The following TRMT9B variants were observed in gnomAD, a reference collection of about 807,000 sequenced individuals.
The protein encoded by TRMT9B is probable tRNA methyltransferase 9B.
In TRMT9B, 16 loss-of-function variants were observed where a neutral mutation model predicts 11.5. The ratio of observed to expected loss-of-function variants is 1.39; its 90% confidence interval spans 0.94 to 2.11. The LOEUF (loss-of-function observed/expected upper bound fraction) is 2.11, where lower values mean the gene tolerates loss of function less well. TRMT9B is among the 30% of genes most tolerant of loss of function. TRMT9B has a pLI of 0.00. For synonymous variants in TRMT9B, 274 were observed against 192.4 expected (o/e 1.42, Z -3.51); for missense variants, 941 against 553.8 (o/e 1.70, Z -7.02).
chr8:12,979,674 C>T (rs908846551), intron 1 of TRMT9B, among the ~76,000 whole-genome samples: 3 of 152,072 alleles, frequency 2.0e-5, no homozygotes, highest in Admixed American at 6.6e-5. Flanking sequence ...TTTCTGCTAC[C>T]GTACACCATT....
At chr8:12,963,202 G>C (rs1802368186) in intron 1 of TRMT9B, among the ~76,000 whole-genome samples, 1 of 152,178 alleles carries the variant, frequency 6.6e-6, no homozygotes, top group Admixed American at 6.5e-5. Context: ...GGGAGGCCAA[G>C]GTGGGCGATT....
At chr8:13,012,579 T>C (rs1811838070) in intron 3 of TRMT9B, 105 bp from the exon 4 acceptor site, 1 of 1,256,816 alleles carries the variant, frequency 8.0e-7, no homozygotes, top group Non-Finnish European at 1.1e-6. Flanking sequence ...TGTCTCAAAA[T>C]AAATAAATAA....
intron 1 of TRMT9B, among the ~76,000 whole-genome samples, chr8:12,966,708 G>A (rs1585120984): frequency 6.6e-6 from 1 of 152,300 alleles, no homozygotes; most frequent in East Asian, 1.9e-4. Context: ...TCCAATGTAT[G>A]AGAGTAAGAA....
chr8:13,001,518 G>A (rs945315523), intron 2 of TRMT9B, among the ~76,000 whole-genome samples: 3 of 152,172 alleles, frequency 2.0e-5, no homozygotes, highest in Admixed American at 6.5e-5. Context: ...CTACATGAAT[G>A]AAAAAGGATG....
intron 1 of TRMT9B, among the ~76,000 whole-genome samples, chr8:12,989,237 G>A (rs915157482): frequency 2.6e-5 from 4 of 152,104 alleles, no homozygotes; most frequent in Non-Finnish European, 5.9e-5. Flanking sequence ...AAGAGAAGAA[G>A]AAATGTGTTT....
At chr8:12,993,560 C>T (rs1462160541) in intron 2 of TRMT9B, among the ~76,000 whole-genome samples, 1 of 152,162 alleles carries the variant, frequency 6.6e-6, no homozygotes, top group African/African-American at 2.4e-5. Flanking sequence ...ACCAGTTAGA[C>T]TAGCTGAGAT....
chr8:12,963,002 C>A (rs1481324746), intron 1 of TRMT9B, among the ~76,000 whole-genome samples: 1 of 152,160 alleles, frequency 6.6e-6, no homozygotes, highest in Non-Finnish European at 1.5e-5. Flanking sequence ...TTGATTTCTT[C>A]CCAGTCCGCT....
At chr8:12,957,778 G>A (rs1357941139) in intron 1 of TRMT9B, among the ~76,000 whole-genome samples, 1 of 152,172 alleles carries the variant, frequency 6.6e-6, no homozygotes, top group Admixed American at 6.5e-5. Context: ...AATATGCATA[G>A]AATTTTGTAT....
intron 1 of TRMT9B, among the ~76,000 whole-genome samples, chr8:12,983,364 A>T (rs997175977): frequency 1.3e-5 from 2 of 152,114 alleles, no homozygotes; most frequent in Admixed American, 1.3e-4. Flanking sequence ...TCTGGAGGAA[A>T]TATTTTTTAA....
intron 3 of TRMT9B, chr8:13,007,404 G>C (rs546187168): frequency 6.6e-6 from 1 of 152,172 alleles, no homozygotes; most frequent in African/African-American, 2.4e-5. Flanking sequence ...CTCACTCAAG[G>C]CCTACCCACC....
intron 1 of TRMT9B, among the ~76,000 whole-genome samples, chr8:12,977,264 A>T (rs566148741): frequency 9.2e-5 from 14 of 152,298 alleles, no homozygotes; most frequent in Non-Finnish European, 1.9e-4. Context: ...AGCACTCAGC[A>T]GTGCCAATCA....
At chr8:12,954,647 T>A (rs1050903570) in intron 1 of TRMT9B, among the ~76,000 whole-genome samples, 1 of 152,218 alleles carries the variant, frequency 6.6e-6, no homozygotes. Context: ...AGCATTAAGA[T>A]AACTGGAGAA....
chr8:12,983,917 T>G (rs79613130), intron 1 of TRMT9B, among the ~76,000 whole-genome samples: 2,898 of 152,272 alleles, frequency 0.019, 33 homozygotes, highest in South Asian at 0.033. Context: ...ACACTTTTTT[T>G]AAAAAACTGT....
intron 4 of TRMT9B, 32 bp from the exon 5 acceptor site, chr8:13,020,976 T>C (rs1301252104): frequency 7.0e-7 from 1 of 1,430,674 alleles, no homozygotes; most frequent in African/African-American, 1.4e-5. Flanking sequence ...TGTGTGTGCA[T>C]ACACACTGAG....
intron 1 of TRMT9B, among the ~76,000 whole-genome samples, chr8:12,973,960 G>C (rs1436275080): frequency 1.3e-5 from 2 of 152,148 alleles, no homozygotes; most frequent in Non-Finnish European, 2.9e-5. Context: ...AGGAGTTTCA[G>C]ACCAGCCTGA....
At chr8:13,016,249 T>A (rs1812672637) in intron 4 of TRMT9B, among the ~76,000 whole-genome samples, 1 of 146,406 alleles carries the variant, frequency 6.8e-6, no homozygotes, top group Non-Finnish European at 1.5e-5. Flanking sequence ...ATATAAAATA[T>A]AAATGTGAAA....
intron 1 of TRMT9B, among the ~76,000 whole-genome samples, chr8:12,966,162 T>C (rs2946493): frequency 0.23 from 35,360 of 150,768 alleles, 4,789 homozygotes; most frequent in East Asian, 0.6. Context: ...CCCCCCCATC[T>C]CTACAGAAAG....
In TRMT9B at chr8:12,990,985, T is replaced by C; in HGVS notation, c.-48T>C. ...TCTCTGGAGGTGGAGACTGCCGTGATTCACAAAGACAAGAGGTAATTTTCC... is the reference window on the plus strand; with the variant it reads ...TCTCTGGAGGTGGAGACTGCCGTGACTCACAAAGACAAGAGGTAATTTTCC... On this transcript the variant is annotated 5_prime_UTR_variant, in exon 2 of 5. Transcript: ENST00000524591. 1.6e-6 allele frequency: 2 copies of C among 1,284,830 alleles called. No homozygotes were observed. Among genetic ancestry groups the C allele is most frequent in the Non-Finnish European group, 2.0e-6 (2 of 986,076 alleles). The allele number at this position is 1,284,830 out of a possible 1,614,324, so 79.6% of individuals were successfully genotyped here.
intron 1 of TRMT9B, among the ~76,000 whole-genome samples, chr8:12,974,039 C>A (rs536154302): frequency 1.6e-3 from 238 of 152,086 alleles, no homozygotes; most frequent in African/African-American, 5.6e-3. Flanking sequence ...GGCATAGTGG[C>A]AAGCACTTGT....
Sources: allele counts gnomAD v4.1 joint callset (sites outside exome capture counted in the v4.1 genomes callset), GRCh38; gene constraint gnomAD v4.1.1; transcripts MANE v1.5; gene names NCBI Gene and HGNC (gene_info 2026-07-23, HGNC 2026-07-21).